CNTNAP3B: variants seen among roughly 807,000 people sequenced by gnomAD.
CNTNAP3B encodes the protein contactin associated protein family member 3B.
CNTNAP3B carries 25 observed loss-of-function variants against 108.9 expected under a neutral mutation model. The ratio of observed to expected loss-of-function variants is 0.23; its 90% CI spans 0.17 to 0.32. CNTNAP3B has a LOEUF of 0.32. Among genes scored for constraint, CNTNAP3B ranks in the 10% least tolerant of loss-of-function variants. CNTNAP3B has a pLI of 1.00. For missense variants in CNTNAP3B, 252 were observed against 1,210.4 expected (o/e 0.21, Z 11.75); for synonymous variants, 103 against 473.4 (o/e 0.22, Z 10.16).
intron 14 of CNTNAP3B, among the ~76,000 whole-genome samples, chr9:41,935,810 C>G (rs1824139525): frequency 6.6e-6 from 1 of 152,282 alleles, no homozygotes; most frequent in Non-Finnish European, 1.5e-5. Flanking sequence ...ACCTGCTTCT[C>G]TCCTGAATTT....
chr9:41,945,430 G>A (rs1455677138), intron 13 of CNTNAP3B, among the ~76,000 whole-genome samples: 3 of 152,306 alleles, frequency 2.0e-5, no homozygotes, highest in Admixed American at 1.3e-4. Flanking sequence ...GGAATACTAT[G>A]CAGCCATGAA....
At chr9:42,019,803 C>G (rs998538052) in intron 3 of CNTNAP3B, among the ~76,000 whole-genome samples, 5 of 121,116 alleles carry the variant, frequency 4.1e-5, no homozygotes, top group Middle Eastern at 4.0e-3. Context: ...AAAGTTTTCT[C>G]TAGCACTAAA....
At chr9:42,077,446 A>G (rs1827516080) in intron 2 of CNTNAP3B, among the ~76,000 whole-genome samples, 1 of 137,258 alleles carries the variant, frequency 7.3e-6, no homozygotes, top group Admixed American at 7.3e-5. Context: ...TAAAAGAAAG[A>G]CAGTTAATAT....
chr9:42,004,768 T>C (rs1826063103), intron 4 of CNTNAP3B, among the ~76,000 whole-genome samples: 1 of 118,786 alleles, frequency 8.4e-6, no homozygotes, highest in African/African-American at 2.9e-5. Context: ...AATAATAAGT[T>C]AGAATAGATG....
chr9:41,913,257 GT>G (rs1823446585), intron 18 of CNTNAP3B, among the ~76,000 whole-genome samples: 1 of 130,818 alleles, frequency 7.6e-6, no homozygotes, highest in African/African-American at 2.9e-5. Context: ...TAAATTGTAT[GT>G]CCTTAGACAG....
intron 2 of CNTNAP3B, among the ~76,000 whole-genome samples, chr9:42,077,404 C>A (rs1251591506): frequency 7.3e-6 from 1 of 136,632 alleles, no homozygotes; most frequent in East Asian, 2.3e-4. Context: ...AGACTAAATT[C>A]CAGTAGTAGG....
chr9:42,093,453 T>G (rs1449159591), intron 2 of CNTNAP3B, among the ~76,000 whole-genome samples: 1 of 93,650 alleles, frequency 1.1e-5, no homozygotes, highest in African/African-American at 4.0e-5. Flanking sequence ...ATATACTAAT[T>G]TTTTAATTAT....
In CNTNAP3B at chr9:42,121,285, T is replaced by G; in HGVS notation, c.85+7725A>C. ...AATGACACCCCCTTTTGGTGGATTT[T>G]TCTTCTCTATTCCATTCTTCCCTCT... On this transcript the variant is annotated intron_variant, in intron 1 of 23. Coordinates refer to ENST00000377561, the MANE Select transcript of CNTNAP3B (RefSeq NM_001201380.3). 1.4e-5 allele frequency among the ~76,000 whole-genome samples: 2 copies of G among 139,244 alleles called. 1 individual carries two copies. Among genetic ancestry groups the G allele is most frequent in the Non-Finnish European group, 3.1e-5 (2 of 64,982 alleles). 91.3% of individuals were successfully genotyped at this position (139,244 alleles called of 152,430 possible). A position where few individuals can be genotyped will look rare whatever the true frequency, so the allele number is the denominator to read the frequency against.
At chr9:41,958,705 A>AAAAAAC (rs1554743420) in intron 12 of CNTNAP3B, among the ~76,000 whole-genome samples, 1 of 144,574 alleles carries the variant, frequency 6.9e-6, no homozygotes, top group South Asian at 2.1e-4. Flanking sequence ...TCTGAAAACA[A>AAAAAAC]AAAACAAAAC....
At chr9:41,954,413 G>C (rs1193217302) in intron 12 of CNTNAP3B, among the ~76,000 whole-genome samples, 2 of 152,222 alleles carry the variant, frequency 1.3e-5, no homozygotes, top group African/African-American at 4.8e-5. Context: ...TAACAACAGA[G>C]ATCAGAGGAA....
intron 3 of CNTNAP3B, among the ~76,000 whole-genome samples, chr9:42,029,681 C>A (rs113318505): frequency 8.0e-6 from 1 of 125,320 alleles, no homozygotes; most frequent in East Asian, 2.6e-4. Flanking sequence ...CAGGCACATG[C>A]CACTATGCCC....
chr9:41,921,819 G>A (rs1189717665), intron 17 of CNTNAP3B, among the ~76,000 whole-genome samples: 16 of 150,028 alleles, frequency 1.1e-4, no homozygotes, highest in Non-Finnish European at 1.5e-5. Context: ...GAGGAAAACC[G>A]GGAGTGGGCT....
At chr9:41,966,845 T>A (rs1319556353) in intron 10 of CNTNAP3B, among the ~76,000 whole-genome samples, 1 of 150,352 alleles carries the variant, frequency 6.7e-6, no homozygotes, top group Non-Finnish European at 1.5e-5. Context: ...CGGGCGCCTG[T>A]AGTTCCAGCT....
At chr9:41,935,829 A>G (rs1482778243) in intron 14 of CNTNAP3B, among the ~76,000 whole-genome samples, 1 of 152,290 alleles carries the variant, frequency 6.6e-6, no homozygotes, top group Non-Finnish European at 1.5e-5. Context: ...TTTTTTCCAA[A>G]TGAAAGCCCA....
intron 3 of CNTNAP3B, among the ~76,000 whole-genome samples, chr9:42,030,813 G>GACA (rs1156882673): frequency 6.1e-5 from 4 of 65,774 alleles, no homozygotes; most frequent in Admixed American, 1.7e-4. Context: ...GAGAGAGAGA[G>GACA]GAGAGAGAGA....
intron 18 of CNTNAP3B, among the ~76,000 whole-genome samples, chr9:41,918,968 G>A (rs1187530092): frequency 6.6e-6 from 1 of 151,772 alleles, no homozygotes; most frequent in Non-Finnish European, 1.5e-5. Flanking sequence ...ATTAAAGCCT[G>A]TTTTGCTGCT....
chr9:42,125,671 T>TA (rs1333478122), intron 1 of CNTNAP3B, among the ~76,000 whole-genome samples: 1 of 131,796 alleles, frequency 7.6e-6, no homozygotes, highest in African/African-American at 3.1e-5. Flanking sequence ...TTTTGTTTTT[T>TA]TTTTTTTGTT....
chr9:42,030,812 A>G (rs200916750), intron 3 of CNTNAP3B, among the ~76,000 whole-genome samples: 20,246 of 43,618 alleles, frequency 0.46, 3,978 homozygotes, highest in South Asian at 0.52. Flanking sequence ...AGAGAGAGAG[A>G]GGAGAGAGAG....
chr9:41,927,473 GGGAA>G lies in CNTNAP3B; in HGVS notation c.2365+1840_2365+1843del, dbSNP rs199924846. 6.6e-3 allele frequency among the ~76,000 whole-genome samples: 858 copies of G among 130,280 alleles called. 1 individual carries two copies. Among genetic ancestry groups the G allele is most frequent in the African/African-American group, 0.022 (767 of 35,256 alleles). The allele number at this position is 130,280 out of a possible 152,430, so 85.5% of individuals were successfully genotyped here. ...AAAGAAGAGAGGGAGGGAGGGAGTG[GGGAA>G]GGAAGGAAGGAAGGAGTATAAAAGC... On this transcript the variant is annotated intron_variant, in intron 15 of 23. Transcript: ENST00000377561.
Sources: gnomAD v4.1 joint callset for allele counts (sites outside exome capture counted in the v4.1 genomes callset) on GRCh38, gnomAD v4.1.1 for gene constraint, MANE v1.5 for transcripts, NCBI Gene and HGNC (gene_info 2026-07-23, HGNC 2026-07-21) for gene names.